VPS41: variants seen among roughly 807,000 people sequenced by gnomAD.
The protein encoded by VPS41 is VPS41 subunit of HOPS complex, also known as vacuolar protein sorting-associated protein 41 homolog.
A neutral mutation model predicts 130.9 loss-of-function variants in VPS41; 85 were observed. The observed-to-expected ratio is 0.65, with a 90% confidence interval of 0.55 to 0.78. VPS41 has a LOEUF of 0.78. Among genes scored for constraint, VPS41 ranks in the 30% least tolerant of loss-of-function variants. VPS41 has a pLI of 0.00. For missense variants in VPS41, 874 were observed against 1,018.7 expected, an observed-to-expected ratio of 0.86 and a Z score of 1.93; for synonymous variants, 335 against 332.9, an observed-to-expected ratio of 1.01 and a Z score of -0.07.
At chr7:38,903,253 C>T (rs1367747783) in intron 1 of VPS41, among the ~76,000 whole-genome samples, 1 of 152,192 alleles carries the variant, frequency 6.6e-6, no homozygotes, top group Non-Finnish European at 1.5e-5. Context: ...CCTAATCCTC[C>T]CATCAGCATA....
intron 10 of VPS41, among the ~76,000 whole-genome samples, chr7:38,782,863 T>A (rs1307271871): frequency 6.6e-6 from 1 of 152,206 alleles, no homozygotes; most frequent in Non-Finnish European, 1.5e-5. Context: ...ACGCCTTTAA[T>A]CACAGCAATT....
intron 1 of VPS41, among the ~76,000 whole-genome samples, chr7:38,904,724 G>A (rs1237335912): frequency 6.6e-6 from 1 of 152,150 alleles, no homozygotes; most frequent in Non-Finnish European, 1.5e-5. Flanking sequence ...GATTTTTATT[G>A]TAACATAATC....
intron 4 of VPS41, among the ~76,000 whole-genome samples, chr7:38,853,185 C>T (rs1785896801): frequency 6.6e-6 from 1 of 152,020 alleles, no homozygotes; most frequent in Non-Finnish European, 1.5e-5. Context: ...TTTGGGAAGC[C>T]GAGGTGGGCG....
intron 7 of VPS41, among the ~76,000 whole-genome samples, chr7:38,804,240 C>T (rs1449559885): frequency 6.6e-6 from 1 of 151,912 alleles, no homozygotes; most frequent in Non-Finnish European, 1.5e-5. Flanking sequence ...TAGGTAAACT[C>T]GTGCCACAGG....
chr7:38,759,374 A>G (rs543271167), intron 17 of VPS41, among the ~76,000 whole-genome samples: 4 of 152,314 alleles, frequency 2.6e-5, no homozygotes, highest in African/African-American at 7.2e-5. Flanking sequence ...ATAGCATGAG[A>G]AACTGAGTTT....
intron 2 of VPS41, among the ~76,000 whole-genome samples, chr7:38,895,999 G>A (rs936116121): frequency 2.6e-5 from 4 of 152,148 alleles, no homozygotes; most frequent in African/African-American, 4.8e-5. Flanking sequence ...CTCCAGAGCC[G>A]ACTCTGCTGG....
intron 22 of VPS41, among the ~76,000 whole-genome samples, chr7:38,748,217 G>A (rs1442083620): frequency 6.6e-6 from 1 of 152,032 alleles, no homozygotes; most frequent in Non-Finnish European, 1.5e-5. Flanking sequence ...ACACATGCGC[G>A]CGCGTGCGCG....
intron 2 of VPS41, among the ~76,000 whole-genome samples, chr7:38,879,303 C>T (rs182869181): frequency 1.1e-4 from 16 of 152,262 alleles, no homozygotes; most frequent in Non-Finnish European, 2.2e-4. Flanking sequence ...GCAGCAACAG[C>T]CCAGCCTCAC....
chr7:38,726,762 G>C, intron 28 of VPS41, 147 bp downstream of exon 28: 1 of 611,444 alleles, frequency 1.6e-6, no homozygotes, highest in East Asian at 3.3e-5. Flanking sequence ...TTGAAAACTA[G>C]ATTAATTTTT....
At chr7:38,743,279 T>A in intron 24 of VPS41, 123 bp downstream of exon 24, 1 of 1,103,126 alleles carries the variant, frequency 9.1e-7, no homozygotes, top group Non-Finnish European at 1.3e-6. Context: ...CCTGGCCTAT[T>A]TTTATTGTAG....
chr7:38,772,493 T>C, intron 13 of VPS41, 29 bp downstream of exon 13: 1 of 1,430,696 alleles, frequency 7.0e-7, no homozygotes, highest in East Asian at 2.3e-5. Flanking sequence ...GATGAGTCAA[T>C]ACTTTCAAAG....
chr7:38,891,713 A>G (rs1013154906), intron 2 of VPS41, among the ~76,000 whole-genome samples: 1 of 152,212 alleles, frequency 6.6e-6, no homozygotes, highest in Non-Finnish European at 1.5e-5. Context: ...AGGACATATG[A>G]ATATTTTCTT....
At chr7:38,798,513 G>T (rs1040080071) in intron 7 of VPS41, among the ~76,000 whole-genome samples, 1 of 152,082 alleles carries the variant, frequency 6.6e-6, no homozygotes, top group Non-Finnish European at 1.5e-5. Flanking sequence ...GACTGGTCTC[G>T]AACTCCTGAC....
chr7:38,871,794 C>T (rs1786368611), intron 2 of VPS41, among the ~76,000 whole-genome samples: 1 of 152,116 alleles, frequency 6.6e-6, no homozygotes, highest in South Asian at 2.1e-4. Flanking sequence ...TGTTGTGTAA[C>T]AAATTATGCC....
intron 22 of VPS41, among the ~76,000 whole-genome samples, chr7:38,751,394 T>C (rs1188270002): frequency 6.6e-6 from 1 of 152,252 alleles, no homozygotes; most frequent in East Asian, 1.9e-4. Flanking sequence ...CTGTAGGACA[T>C]AATACTGTTG....
At chr7:38,854,613 A>G (rs1366302447) in intron 4 of VPS41, among the ~76,000 whole-genome samples, 8 of 152,202 alleles carry the variant, frequency 5.3e-5, no homozygotes, top group African/African-American at 1.9e-4. Context: ...AGGTATGAAA[A>G]AAACCTTGAT....
At chr7:38,731,981 T>C (rs891766657) in intron 25 of VPS41, among the ~76,000 whole-genome samples, 6 of 152,192 alleles carry the variant, frequency 3.9e-5, no homozygotes, top group Non-Finnish European at 7.3e-5. Context: ...TGTGTCCAGC[T>C]GAAATATACA....
At chr7:38,891,556 A>G (rs1786866825) in intron 2 of VPS41, among the ~76,000 whole-genome samples, 1 of 152,240 alleles carries the variant, frequency 6.6e-6, no homozygotes, top group African/African-American at 2.4e-5. Flanking sequence ...TACATGGCAG[A>G]TACACACATA....
At chr7:38,824,595 T>C (rs1301084846) in intron 5 of VPS41, among the ~76,000 whole-genome samples, 1 of 151,948 alleles carries the variant, frequency 6.6e-6, no homozygotes, top group Non-Finnish European at 1.5e-5. Flanking sequence ...AAACTGAAAT[T>C]TGCAAAAAAG....
Sources: gnomAD v4.1 joint callset for allele counts (sites outside exome capture counted in the v4.1 genomes callset) on GRCh38, gnomAD v4.1.1 for gene constraint, MANE v1.5 for transcripts, NCBI Gene and HGNC (gene_info 2026-07-23, HGNC 2026-07-21) for gene names.